The following GRIK2 variants were observed in gnomAD, a reference collection of about 807,000 sequenced individuals.
GRIK2 encodes glutamate ionotropic receptor kainate type subunit 2.
A neutral mutation model predicts 100.3 loss-of-function variants in GRIK2; 32 were observed. That is an observed-to-expected ratio of 0.32 (90% confidence interval 0.24 to 0.43). The LOEUF (loss-of-function observed/expected upper bound fraction) is 0.43. Among genes scored for constraint, GRIK2 ranks in the 20% least tolerant of loss-of-function variants. The pLI, the probability that GRIK2 is intolerant of heterozygous loss-of-function variation, is 1.00. For synonymous variants in GRIK2, 417 were observed against 389.4 expected (o/e 1.07, Z -0.83); for missense variants, 843 against 1,114.9 (o/e 0.76, Z 3.47).
chr6:101,523,720 CTTT>C (rs1163558120), intron 2 of GRIK2, among the ~76,000 whole-genome samples: 37 of 121,492 alleles, frequency 3.0e-4, no homozygotes, highest in Admixed American at 3.5e-4. Context: ...ACTCCTAAGT[CTTT>C]TTTTTTTTTT....
intron 9 of GRIK2, among the ~76,000 whole-genome samples, chr6:101,811,649 A>C (rs939334816): frequency 6.6e-6 from 1 of 152,122 alleles, no homozygotes; most frequent in Non-Finnish European, 1.5e-5. Flanking sequence ...CATAGAAAAT[A>C]AGAAATGTGT....
At chr6:101,931,688 C>A (rs1448474203) in intron 14 of GRIK2, among the ~76,000 whole-genome samples, 1 of 151,962 alleles carries the variant, frequency 6.6e-6, no homozygotes, top group African/African-American at 2.4e-5. Flanking sequence ...CATTACACAC[C>A]ACACAGACTC....
At position 101,756,791 on chromosome 6, in the gene GRIK2, C is replaced by T. The variant is rs534645788; in HGVS notation, c.952-42857C>T. Among the ~76,000 whole-genome samples the T allele has an allele frequency of 3.3e-5, 5 of 152,198 alleles. No homozygotes were observed. The South Asian group carries it at 1.0e-3, about 32-fold the overall frequency. On this transcript the variant is annotated intron_variant, in intron 7 of 16. Coordinates refer to ENST00000369134, the MANE Select transcript of GRIK2 (RefSeq NM_021956.5). ...TCTTAGACAAGTAGGCTTTAATGTA[C>T]TAGTTTAAAATACAGAGTTGTCTTG...
At chr6:101,903,197 G>A (rs1184790087) in intron 12 of GRIK2, among the ~76,000 whole-genome samples, 4 of 151,766 alleles carry the variant, frequency 2.6e-5, no homozygotes, top group East Asian at 1.9e-4. Context: ...TGCTTAGATC[G>A]CCCTAGCTGC....
intron 2 of GRIK2, among the ~76,000 whole-genome samples, chr6:101,498,918 G>T (rs941304887): frequency 2.0e-5 from 3 of 152,090 alleles, no homozygotes; most frequent in African/African-American, 7.2e-5. Context: ...ATTGCTTTTG[G>T]TGTTTTAGAC....
rs551443968 is a variant in GRIK2, at chr6:101,621,074, A to C, written c.116-875A>C. The stretch of plus-strand genomic sequence containing the variant: ...CTTCATAAATGTCAAGTGTCTTCTT[A>C]AAAGGGACTTAGAATAAAGCAACTA... On this transcript the variant is annotated intron_variant, in intron 2 of 16. Transcript: ENST00000369134. Among the ~76,000 whole-genome samples the C allele has an allele frequency of 4.6e-5, 7 of 152,300 alleles. No individual in the cohort carries two copies. The South Asian group carries it at 1.5e-3, about 32-fold the overall frequency.
intron 7 of GRIK2, among the ~76,000 whole-genome samples, chr6:101,742,152 C>G (rs1776073510): frequency 1.3e-5 from 2 of 152,154 alleles, no homozygotes; most frequent in Non-Finnish European, 2.9e-5. Context: ...AAATGTATAT[C>G]TTTTTAATAG....
At chr6:101,946,517 G>GA (rs11306403) in intron 14 of GRIK2, among the ~76,000 whole-genome samples, 16 of 149,774 alleles carry the variant, frequency 1.1e-4, no homozygotes, top group African/African-American at 2.5e-4. Context: ...GATTGCTGTT[G>GA]AAAAAAAAAA....
intron 9 of GRIK2, among the ~76,000 whole-genome samples, chr6:101,817,469 C>A (rs1438814203): frequency 1.3e-5 from 2 of 152,108 alleles, no homozygotes; most frequent in Non-Finnish European, 2.9e-5. Flanking sequence ...TTGATTACTC[C>A]TGGGTATGAG....
chr6:101,930,399 C>T (rs900176805), intron 14 of GRIK2, among the ~76,000 whole-genome samples: 4 of 151,572 alleles, frequency 2.6e-5, no homozygotes, highest in Admixed American at 6.6e-5. Flanking sequence ...GCTAAACGTG[C>T]GTTGTTAGTG....
At chr6:102,021,435 T>TAATC (rs35106551) in intron 14 of GRIK2, among the ~76,000 whole-genome samples, 58,369 of 150,906 alleles carry the variant, frequency 0.39, 11,944 homozygotes, top group African/African-American at 0.53. Context: ...TACAAATAAA[T>TAATC]CATCTACATT....
chr6:101,794,439 C>T (rs768242026), intron 7 of GRIK2, among the ~76,000 whole-genome samples: 3 of 151,982 alleles, frequency 2.0e-5, no homozygotes, highest in Admixed American at 6.6e-5. Flanking sequence ...TTCAAATGAA[C>T]ACCTTATTGT....
chr6:101,974,549 T>C (rs1315623394), intron 14 of GRIK2, among the ~76,000 whole-genome samples: 3 of 152,048 alleles, frequency 2.0e-5, no homozygotes, highest in Admixed American at 6.6e-5. Context: ...TCTCAATCTG[T>C]AAGCAAGCCA....
At chr6:101,976,816 A>C (rs541455421) in intron 14 of GRIK2, among the ~76,000 whole-genome samples, 6 of 152,070 alleles carry the variant, frequency 3.9e-5, no homozygotes, top group Non-Finnish European at 7.4e-5. Context: ...TAAAAAAAAA[A>C]AACAACTGTA....
intron 7 of GRIK2, among the ~76,000 whole-genome samples, chr6:101,762,771 A>G (rs1176224999): frequency 1.3e-5 from 2 of 152,218 alleles, no homozygotes; most frequent in Admixed American, 1.3e-4. Flanking sequence ...TGTCCAGTTA[A>G]TATTCAGCTA....
chr6:101,818,386 C>T lies in GRIK2; in HGVS notation c.1220C>T (p.Pro407Leu), dbSNP rs779057205. The T allele has an allele frequency of 1.2e-6, 2 of 1,601,320 alleles. No individual in the cohort carries two copies. The highest frequency in any genetic ancestry group is 8.6e-7 in the Non-Finnish European group (1 of 1,168,486). ...EGLEKIGTWD[P>L]ASGLNMTESQ... ...ATTTTATAGATTGGAACGTGGGATC[C>T]AGCCAGTGGCCTGAATATGACAGAA... The change falls in exon 10 of 17, where the codon CCA becomes CTA. Residue 407 changes from proline (P) to leucine (L), a missense_variant. Physicochemically the swap from Pro to Leu is moderately conservative, Grantham distance 98. Transcript: ENST00000369134.
At chr6:101,456,532 A>G (rs1771018467) in intron 2 of GRIK2, among the ~76,000 whole-genome samples, 2 of 152,232 alleles carry the variant, frequency 1.3e-5, no homozygotes, top group East Asian at 1.9e-4. Flanking sequence ...AACATTTTCT[A>G]TATCCATTGT....
intron 9 of GRIK2, among the ~76,000 whole-genome samples, chr6:101,803,769 C>G (rs1020844572): frequency 6.6e-6 from 1 of 151,868 alleles, no homozygotes; most frequent in Non-Finnish European, 1.5e-5. Flanking sequence ...TACCATAGAT[C>G]CATTCCTGTC....
intron 5 of GRIK2, 79 bp from the exon 6 acceptor site, chr6:101,682,474 A>G (rs1419335778): frequency 1.4e-6 from 1 of 740,120 alleles, no homozygotes; most frequent in East Asian, 2.5e-5. Flanking sequence ...ACATCCTACT[A>G]TATTTTGTTC....
Sources: gnomAD v4.1 joint callset for allele counts (sites outside exome capture counted in the v4.1 genomes callset) on GRCh38, gnomAD v4.1.1 for gene constraint, MANE v1.5 for transcripts, NCBI Gene and HGNC (gene_info 2026-07-23, HGNC 2026-07-21) for gene names.